Variants in DUOX2 observed in about 807,000 individuals in gnomAD.
DUOX2 encodes the protein dual oxidase 2, also known as NADH/NADPH thyroid oxidase p138-tox.
DUOX2 carries 185 observed loss-of-function variants against 183.3 expected under a neutral mutation model. The observed-to-expected ratio is 1.01, with a 90% CI of 0.90 to 1.14. DUOX2 has a LOEUF of 1.14. DUOX2 is among the 50% of genes most tolerant of loss of function. The pLI is 0.00. For synonymous variants in DUOX2, 788 were observed against 812.4 expected, an observed-to-expected ratio of 0.97 and a Z score of 0.51; for missense variants, 1,999 against 2,022.9, an observed-to-expected ratio of 0.99 and a Z score of 0.23.
chr15:45,101,418 C>T, intron 21 of DUOX2, 144 bp from the exon 22 acceptor site: 5 of 774,326 alleles, frequency 6.5e-6, no homozygotes, highest in South Asian at 1.5e-5. Flanking sequence ...AGACTAAGCA[C>T]TCACTGTACA....
chr15:45,098,004 C>T lies in DUOX2; in HGVS notation c.3565+5G>A. 6.2e-7 allele frequency: 1 copy of T among 1,613,968 alleles called. No homozygotes were observed. Among genetic ancestry groups the T allele is most frequent in the Non-Finnish European group, 8.5e-7 (1 of 1,179,840 alleles). The stretch of plus-strand genomic sequence containing the variant: ...GACAGAACCCCCAGGTCCCACGTTT[C>T]CTACCTGGGACGGTCTGGAAGAACC... On this transcript the variant is annotated splice_donor_5th_base_variant and intron_variant, in intron 27 of 33. Transcript: ENST00000389039.
At chr15:45,110,341 A>T in intron 9 of DUOX2, 87 bp downstream of exon 9, 1 of 1,308,286 alleles carries the variant, frequency 7.6e-7, no homozygotes, top group Non-Finnish European at 1.0e-6. Flanking sequence ...TGAAACTGCG[A>T]AGGAGTGTGA....
chr15:45,096,728 A>T (rs375203082), intron 29 of DUOX2, among the ~76,000 whole-genome samples: 6 of 152,200 alleles, frequency 3.9e-5, no homozygotes, highest in Non-Finnish European at 8.8e-5. Context: ...CATTGCAATG[A>T]GATTAATTTT....
At position 45,107,850 on chromosome 15, in the gene DUOX2, C is replaced by CA. The variant is rs36025213; in HGVS notation, c.1574+196dup. 0.58 allele frequency among the ~76,000 whole-genome samples: 28,338 copies of CA among 48,956 alleles called. 8,560 individuals carry two copies. Among genetic ancestry groups the CA allele is most frequent in the East Asian group, 0.81 (1,099 of 1,358 alleles). The allele number at this position is 48,956 out of a possible 152,430, so 32.1% of individuals were successfully genotyped here. On this transcript the variant is annotated intron_variant, in intron 13 of 33. Coordinates refer to ENST00000389039, the MANE Select transcript of DUOX2 (RefSeq NM_001363711.2). ...TGGGTGACAAAGCTAGACTCTGCCT[C>CA]AAAAAAAAAAAAAAAAAAAAAAGAA...
At chr15:45,101,755 C>A (rs530714605) in intron 21 of DUOX2, 38 bp downstream of exon 21, 1 of 1,613,784 alleles carries the variant, frequency 6.2e-7, no homozygotes, top group African/African-American at 1.3e-5. Context: ...GAGGACACGC[C>A]CCCCCTCCCT....
chr15:45,100,950 G>T, intron 22 of DUOX2, 112 bp from the exon 23 acceptor site: 1 of 747,478 alleles, frequency 1.3e-6, no homozygotes, highest in Non-Finnish European at 2.3e-6. Context: ...CAGGCAGGGG[G>T]CAAGGCACAA....
At chr15:45,110,308 A>G (rs111708176) in intron 9 of DUOX2, 120 bp downstream of exon 9, 41 of 993,160 alleles carry the variant, frequency 4.1e-5, no homozygotes, top group African/African-American at 1.8e-4. Flanking sequence ...CAGGGCCCCA[A>G]ATTTTTGCTT....
chr15:45,109,852 C>A (rs375753746), intron 10 of DUOX2, 38 bp downstream of exon 10: 5 of 1,593,368 alleles, frequency 3.1e-6, no homozygotes, highest in South Asian at 2.2e-5. Flanking sequence ...AGAGACTGAC[C>A]TTGACCCATC....
Position 45,110,543 on chromosome 15 carries a change from G to C in DUOX2, c.944-19C>G. 1.2e-6 allele frequency: 2 copies of C among 1,614,076 alleles called. No individual in the cohort carries two copies. The highest frequency in any genetic ancestry group is 2.2e-5 in the South Asian group (2 of 91,078). The stretch of plus-strand genomic sequence containing the variant: ...CGGTATCCTGCAGGAAGGAGACGGT[G>C]ATGATGGGGAGACAGGCTTCTTGCC... On this transcript the variant is annotated intron_variant, in intron 8 of 33. Coordinates refer to ENST00000389039, the MANE Select transcript of DUOX2 (RefSeq NM_001363711.2).
At chr15:45,104,668 A>G (rs1379946922) in intron 18 of DUOX2, among the ~76,000 whole-genome samples, 1 of 152,208 alleles carries the variant, frequency 6.6e-6, no homozygotes, top group East Asian at 1.9e-4. Flanking sequence ...GAGAGAGCCT[A>G]TACTGGGGAC....
At position 45,101,804 on chromosome 15, in the gene DUOX2, C is replaced by A; in HGVS notation, c.2840G>T (p.Gly947Val). ...CCTCACACACTCACCATTTCCACCTCCACCTCCACCTTTGACACAGAGCTG... is the reference window on the plus strand; with the variant it reads ...CCTCACACACTCACCATTTCCACCTACACCTCCACCTTTGACACAGAGCTG... ...FTQLCVKGGG[G>V]GGNGIRDIFK... Residue 947 changes from glycine to valine, a missense_variant, in exon 21 of 34, where the codon GGA (glycine) becomes GTA (valine). Gly to Val is a moderately radical substitution (Grantham distance 109, BLOSUM62 -3). Coordinates refer to ENST00000389039, the MANE Select transcript of DUOX2 (RefSeq NM_001363711.2). The A allele has an allele frequency of 6.2e-7, 1 of 1,614,212 alleles. No individual in the cohort carries two copies. Among genetic ancestry groups the A allele is most frequent in the Non-Finnish European group, 8.5e-7 (1 of 1,180,044 alleles).
intron 12 of DUOX2, 138 bp downstream of exon 12, chr15:45,108,651 C>G (rs941541676): frequency 3.0e-6 from 3 of 989,118 alleles, no homozygotes; most frequent in Admixed American, 2.1e-5. Flanking sequence ...ACTATGTCAT[C>G]AGTAAAATGG....
In DUOX2 at chr15:45,093,730, C is replaced by CTTTTG; in HGVS notation, c.*419_*420insCAAAA. The CTTTTG allele has an allele frequency of 4.2e-6, 1 of 240,136 alleles. No homozygotes were observed. The highest frequency in any genetic ancestry group is 8.4e-6 in the Non-Finnish European group (1 of 118,524). 14.9% of individuals were successfully genotyped at this position (240,136 alleles called of 1,614,324 possible). On this transcript the variant is annotated 3_prime_UTR_variant, in exon 34 of 34. Transcript: ENST00000389039. ...TGTGGGGAGCTATCGGAGACAAGCACTATTGTACCTTTTCACCTCCACACT... is the reference window on the plus strand; with the variant it reads ...TGTGGGGAGCTATCGGAGACAAGCACTTTTGTATTGTACCTTTTCACCTCCACACT...
At chr15:45,111,340 C>G in intron 6 of DUOX2, 44 bp downstream of exon 6, 8 of 1,417,132 alleles carry the variant, frequency 5.6e-6, no homozygotes, top group Non-Finnish European at 7.4e-6. Flanking sequence ...GGAGCCCACA[C>G]TCGCAGACCC....
chr15:45,102,443 C>A (rs1482543604), intron 20 of DUOX2, among the ~76,000 whole-genome samples: 2 of 152,222 alleles, frequency 1.3e-5, no homozygotes, highest in African/African-American at 2.4e-5. Flanking sequence ...TGTGCCAACA[C>A]CCCGGGGCAC....
Position 45,095,008 on chromosome 15 carries a change from G to A in DUOX2, c.4323C>T (p.His1441=). ...DIIQEVEEND[H]QDLVSVHIYV... is the part of the protein sequence containing the mutation. ...AAATGTGCACAGACACCAGGTCCTG[G>A]TGGTCGTTCTCCTCCACCTCTTGGA... The change falls in exon 32 of 34, where the codon CAC becomes CAT. Residue 1441 remains histidine (H), a synonymous_variant. Coordinates refer to ENST00000389039, the MANE Select transcript of DUOX2 (RefSeq NM_001363711.2). 2.1e-5 allele frequency: 34 copies of A among 1,614,192 alleles called. No homozygotes were observed. Among genetic ancestry groups the A allele is most frequent in the Non-Finnish European group, 2.8e-5 (33 of 1,180,018 alleles).
intron 32 of DUOX2, 72 bp downstream of exon 32, chr15:45,094,864 C>T: frequency 1.2e-6 from 2 of 1,606,170 alleles, no homozygotes; most frequent in South Asian, 2.2e-5. Flanking sequence ...ACCCACCTGC[C>T]CTGGCCATCC....
intron 26 of DUOX2, among the ~76,000 whole-genome samples, chr15:45,098,667 G>C (rs1200375517): frequency 6.6e-6 from 1 of 151,708 alleles, no homozygotes; most frequent in African/African-American, 2.4e-5. Context: ...GCTTAGCACT[G>C]AGCTTCTTGC....
At position 45,111,394 on chromosome 15, in the gene DUOX2, C is replaced by T. The variant is rs1454451420; in HGVS notation, c.705G>A (p.Arg235=). Residue 235 remains arginine (R), a synonymous_variant, in exon 6 of 34, where the codon CGG becomes CGA. Transcript: ENST00000389039. ...CCCCTGTGGCCTCACCGTACAGCCC[C>T]CGGGGCCCGTTCTGCCCGGTGGCGG... ...PDPATGQNGP[R]GLYAFGAERG... 7 of 1,454,542 alleles carry T rather than the reference C, an allele frequency of 4.8e-6. No homozygotes were observed. The highest frequency in any genetic ancestry group is 4.3e-5 in the African/African-American group (3 of 69,548). 90.1% of individuals were successfully genotyped at this position (1,454,542 alleles called of 1,614,324 possible). A position where few individuals can be genotyped will look rare whatever the true frequency, so the allele number is the denominator to read the frequency against.
Sources: allele counts gnomAD v4.1 joint callset (sites outside exome capture counted in the v4.1 genomes callset), GRCh38; gene constraint gnomAD v4.1.1; transcripts MANE v1.5; gene names NCBI Gene and HGNC (gene_info 2026-07-23, HGNC 2026-07-21).